Variants in ALS2 observed in about 807,000 individuals in gnomAD.
ALS2 encodes alsin Rho guanine nucleotide exchange factor ALS2.
Under a neutral mutation model 203.4 loss-of-function variants are expected in ALS2, and 117 were observed. That is an observed-to-expected ratio of 0.58 (90% CI 0.50 to 0.67). ALS2 has a LOEUF of 0.67. Among genes scored for constraint, ALS2 ranks in the 30% least tolerant of loss-of-function variants. The pLI, the probability that ALS2 is intolerant of heterozygous loss-of-function variation, is 0.00. For missense variants in ALS2, 1,715 were observed against 1,989.4 expected (o/e 0.86, Z 2.62); for synonymous variants, 718 against 725.9 (o/e 0.99, Z 0.17).
rs755758546 is a variant in ALS2 at position 201,723,111 on chromosome 2, C to T, written c.3634G>A (p.Val1212Ile). 22 of 1,612,624 alleles carry T rather than the reference C, an allele frequency of 1.4e-5. No individual in the cohort carries two copies. The highest frequency in any genetic ancestry group is 1.7e-5 in the Non-Finnish European group (20 of 1,178,744). ...ATAGTATCATCTTCGGAAAGCAAAA[C>T]CCCATTTCCCTACAAGAAGAAACAA... The part of the protein sequence containing the change: ...FHLNKMMGNG[V>I]LLSEDDTIYE... Residue 1212 changes from valine (V) to isoleucine (I), a missense_variant, in exon 23 of 34, where the codon GTT becomes ATT. Physicochemically the swap from Val to Ile is conservative, Grantham distance 29. Coordinates refer to ENST00000264276, the MANE Select transcript of ALS2 (RefSeq NM_020919.4).
chr2:201,774,241 A>G (rs1694552157), intron 1 of ALS2, among the ~76,000 whole-genome samples: 1 of 152,226 alleles, frequency 6.6e-6, no homozygotes, highest in Non-Finnish European at 1.5e-5. Flanking sequence ...CAGTGGGCAG[A>G]GCCAAAGTCC....
intron 4 of ALS2, chr2:201,760,337 T>C: frequency 1.3e-5 from 13 of 985,108 alleles, no homozygotes; most frequent in Non-Finnish European, 1.4e-5. Flanking sequence ...AAAGATAAAA[T>C]ATTAGCCACC....
intron 13 of ALS2, among the ~76,000 whole-genome samples, chr2:201,731,017 G>C (rs995305298): frequency 1.3e-5 from 2 of 152,170 alleles, no homozygotes; most frequent in Admixed American, 1.3e-4. Flanking sequence ...GAAGCCCCAG[G>C]GGTCTGCAAA....
At chr2:201,707,732 A>G (rs1689811880) in intron 28 of ALS2, 137 bp downstream of exon 28, 2 of 1,192,414 alleles carry the variant, frequency 1.7e-6, no homozygotes, top group Non-Finnish European at 1.2e-6. Context: ...GCTGGCCCCA[A>G]CCCTCCTGGC....
chr2:201,722,010 G>A (rs1690834865), intron 23 of ALS2: 1 of 152,046 alleles, frequency 6.6e-6, no homozygotes, highest in African/African-American at 2.4e-5. Context: ...TTTTTATAGA[G>A]TTTATTAAAA....
chr2:201,715,583 A>C lies in ALS2; in HGVS notation c.4004+89T>G. 4 of 1,486,320 alleles carry C rather than the reference A, an allele frequency of 2.7e-6. No individual in the cohort carries two copies. In the South Asian group the frequency reaches 4.6e-5, roughly 17 times the overall value. The allele number at this position is 1,486,320 out of a possible 1,614,324, so 92.1% of individuals were successfully genotyped here. On this transcript the variant is annotated intron_variant, in intron 25 of 33. Coordinates refer to ENST00000264276, the MANE Select transcript of ALS2 (RefSeq NM_020919.4). ...AGCGAAGTAAATCATTAACTTTTAA[A>C]TTAAATGTGGTGAGCCTTGACTACT...
At chr2:201,773,530 CTGA>C (rs1433061265) in intron 1 of ALS2, among the ~76,000 whole-genome samples, 1 of 152,088 alleles carries the variant, frequency 6.6e-6, no homozygotes, top group Non-Finnish European at 1.5e-5. Flanking sequence ...AGATACGATT[CTGA>C]AGCAAAGATA....
intron 24 of ALS2, among the ~76,000 whole-genome samples, chr2:201,717,521 CT>C (rs908768713): frequency 6.6e-6 from 1 of 151,266 alleles, no homozygotes; most frequent in Non-Finnish European, 1.5e-5. Flanking sequence ...TGGAACTTTC[CT>C]TTTAAACATC....
rs748129479 is a variant in ALS2, at chr2:201,723,140, A to T, written c.3625-20T>A. On this transcript the variant is annotated intron_variant, in intron 22 of 33. Transcript: ENST00000264276. ...ATTTCCCTACAAGAAGAAACAAGAG[A>T]AAAATTACAACACATAAAATACAGA... 4 of 1,587,096 alleles carry T rather than the reference A, an allele frequency of 2.5e-6. No homozygotes were observed. Among genetic ancestry groups the T allele is most frequent in the South Asian group, 2.2e-5 (2 of 90,476 alleles).
chr2:201,711,364 T>C lies in ALS2; in HGVS notation c.4005-256A>G, dbSNP rs895662589. On this transcript the variant is annotated intron_variant, in intron 25 of 33. Transcript: ENST00000264276. ...TCTACAATAAAGATTCATTCTTCAT[T>C]CTACAATGAAGATTCTACAATAAAT... 3.9e-5 allele frequency among the ~76,000 whole-genome samples: 6 copies of C among 152,218 alleles called. No homozygotes were observed. The East Asian group carries it at 5.8e-4, about 15-fold the overall frequency.
At chr2:201,752,999 T>C in intron 7 of ALS2, 147 bp downstream of exon 7, 4 of 753,934 alleles carry the variant, frequency 5.3e-6, no homozygotes, top group Non-Finnish European at 9.4e-6. Flanking sequence ...AAAGTGGAAA[T>C]AATACCATAC....
At chr2:201,718,304 G>T (rs764957946) in intron 23 of ALS2, 94 bp from the exon 24 acceptor site, 61 of 1,393,574 alleles carry the variant, frequency 4.4e-5, no homozygotes, top group Non-Finnish European at 6.1e-5. Flanking sequence ...CTGTTGCCCA[G>T]GCTGGAGTGC....
rs904092053 is a variant in ALS2, at chr2:201,701,697, G to C, written c.*154C>G. ...ATACAGTCCTTTTTTCTGGGCTCAG[G>C]GCTCTTATTATTGGTAAGGCTCATT... On this transcript the variant is annotated 3_prime_UTR_variant, in exon 34 of 34. Transcript: ENST00000264276. 13 of 719,724 alleles carry C rather than the reference G, an allele frequency of 1.8e-5. No individual in the cohort carries two copies. Among genetic ancestry groups the C allele is most frequent in the Non-Finnish European group, 2.7e-5 (11 of 413,246 alleles). The allele number at this position is 719,724 out of a possible 1,614,324, so 44.6% of individuals were successfully genotyped here. A position where few individuals can be genotyped will look rare whatever the true frequency, so the allele number is the denominator to read the frequency against.
intron 12 of ALS2, among the ~76,000 whole-genome samples, chr2:201,733,775 T>A (rs1452637915): frequency 6.6e-6 from 1 of 152,180 alleles, no homozygotes; most frequent in East Asian, 1.9e-4. Context: ...AAGCCAAAAG[T>A]CACAGCAATA....
At chr2:201,709,736 A>G (rs1689922990) in intron 27 of ALS2, 145 bp downstream of exon 27, 4 of 971,594 alleles carry the variant, frequency 4.1e-6, no homozygotes, top group Non-Finnish European at 6.5e-6. Flanking sequence ...TATAGCTTAC[A>G]CATACATTTA....
rs367640165 is a variant in ALS2 at position 201,753,206 on chromosome 2, T to C, written c.1677A>G (p.Lys559=). The change falls in exon 7 of 34, where the codon AAA becomes AAG. Residue 559 remains lysine, a synonymous_variant. Transcript: ENST00000264276. ...CACCTGCCTCCAGATGGATTACTTCTTTGCCATCCAGACATTTTACACACA... is the reference window on the plus strand; with the variant it reads ...CACCTGCCTCCAGATGGATTACTTCCTTGCCATCCAGACATTTTACACACA... ...QPLCVKCLDG[K]EVIHLEAGGY... The C allele has an allele frequency of 2.9e-4, 463 of 1,614,166 alleles. 1 individual carries two copies. Among genetic ancestry groups the C allele is most frequent in the Non-Finnish European group, 3.6e-4 (430 of 1,179,996 alleles).
chr2:201,728,840 A>T (rs1225031441), intron 14 of ALS2, among the ~76,000 whole-genome samples, 200 bp from the exon 15 acceptor site: 1 of 152,148 alleles, frequency 6.6e-6, no homozygotes, highest in African/African-American at 2.4e-5. Context: ...GACAAAAACA[A>T]ACTAAAGAAG....
In ALS2 at chr2:201,723,192, T is replaced by G; in HGVS notation, c.3625-72A>C. 2.1e-6 allele frequency: 3 copies of G among 1,404,054 alleles called. No individual in the cohort carries two copies. The South Asian group carries it at 3.5e-5, about 16-fold the overall frequency. 87.0% of individuals were successfully genotyped at this position (1,404,054 alleles called of 1,614,324 possible). A position where few individuals can be genotyped will look rare whatever the true frequency, so the allele number is the denominator to read the frequency against. On this transcript the variant is annotated intron_variant, in intron 22 of 33. Coordinates refer to ENST00000264276, the MANE Select transcript of ALS2 (RefSeq NM_020919.4). ...TAACTTAAGAGTGCACGCAGTCATA[T>G]CCCCAAAGCCTTATGGAATCTTAAA...
intron 4 of ALS2, among the ~76,000 whole-genome samples, 153 bp from the exon 5 acceptor site, chr2:201,757,912 C>T (rs1194891020): frequency 6.6e-6 from 1 of 152,212 alleles, no homozygotes; most frequent in Non-Finnish European, 1.5e-5. Context: ...GTATTCTCTT[C>T]TTGATCATGG....
Sources: gnomAD v4.1 joint callset for allele counts (sites outside exome capture counted in the v4.1 genomes callset) on GRCh38, gnomAD v4.1.1 for gene constraint, MANE v1.5 for transcripts, NCBI Gene and HGNC (gene_info 2026-07-23, HGNC 2026-07-21) for gene names.